The following ADH4 variants were observed in gnomAD, a reference collection of about 807,000 sequenced individuals.
ADH4 encodes the protein all-trans-retinol dehydrogenase [NAD(+)] ADH4.
Under a neutral mutation model 35.2 loss-of-function variants are expected in ADH4, and 31 were observed. The ratio of observed to expected loss-of-function variants is 0.88; its 90% CI spans 0.66 to 1.19. ADH4 has a LOEUF of 1.19. Among genes scored for constraint, ADH4 ranks in the 50% most tolerant of loss-of-function variants. ADH4 has a pLI of 0.00. For missense variants in ADH4, 476 were observed against 458.3 expected, an observed-to-expected ratio of 1.04 and a Z score of -0.35; for synonymous variants, 171 against 160.2, an observed-to-expected ratio of 1.07 and a Z score of -0.51.
chr4:99,124,795 T>C (rs1482632082), intron 8 of ADH4, among the ~76,000 whole-genome samples: 1 of 152,162 alleles, frequency 6.6e-6, no homozygotes, highest in East Asian at 1.9e-4. Context: ...TTCTCGGATC[T>C]CCTATAGCTG....
intron 4 of ADH4, among the ~76,000 whole-genome samples, 182 bp from the exon 5 acceptor site, chr4:99,136,879 A>T (rs17218288): frequency 0.21 from 31,966 of 152,144 alleles, 4,035 homozygotes; most frequent in Non-Finnish European, 0.28. Context: ...CAGCAAATTT[A>T]AAAAATAACA....
intron 5 of ADH4, among the ~76,000 whole-genome samples, chr4:99,133,078 G>A (rs1438492446): frequency 6.6e-6 from 1 of 152,156 alleles, no homozygotes; most frequent in Non-Finnish European, 1.5e-5. Flanking sequence ...GAGCCTGTGA[G>A]TCTCTTAGGA....
Position 99,142,661 on chromosome 4 carries a change from A to G in ADH4, c.120+18T>C. 2.6e-6 allele frequency: 4 copies of G among 1,516,006 alleles called. No homozygotes were observed. In the East Asian group the frequency reaches 7.1e-5, roughly 27 times the overall value. The allele number at this position is 1,516,006 out of a possible 1,614,324, so 93.9% of individuals were successfully genotyped here. A position where few individuals can be genotyped will look rare whatever the true frequency, so the allele number is the denominator to read the frequency against. On this transcript the variant is annotated intron_variant, in intron 2 of 8. Transcript: ENST00000265512. ...TTGGGGCCCTGTCTGTTCCCACCCA[A>G]GGAAAGTCTCCACTTACCTGAATGC...
In ADH4 at chr4:99,131,690, T is replaced by G. The variant is rs1729277375; in HGVS notation, c.657A>C (p.Ala219=). 2 of 1,614,198 alleles carry G rather than the reference T, an allele frequency of 1.2e-6. No individual in the cohort carries two copies. Among genetic ancestry groups the G allele is most frequent in the Non-Finnish European group, 1.7e-6 (2 of 1,180,026 alleles). The stretch of plus-strand genomic sequence containing the variant: ...TACCTATGATTCTGGAAGCTCCTGC[T>G]GCTTTACAACCCATTACAGCAGAAA... ...VGLSAVMGCK[A]AGASRIIGID... The change falls in exon 6 of 9, where the codon GCA becomes GCC. Residue 219 remains alanine, a synonymous_variant. Transcript: ENST00000265512.
At chr4:99,142,656 A>T (rs375827646) in intron 2 of ADH4, 23 bp downstream of exon 2, 29 of 1,495,888 alleles carry the variant, frequency 1.9e-5, no homozygotes, top group Non-Finnish European at 2.6e-5. Flanking sequence ...GTCTGTTCCC[A>T]CCCAAGGAAA....
chr4:99,129,303 CTT>C (rs1463246043), intron 6 of ADH4, among the ~76,000 whole-genome samples: 2 of 151,680 alleles, frequency 1.3e-5, no homozygotes, highest in Non-Finnish European at 2.9e-5. Flanking sequence ...AATAAAATGA[CTT>C]ATTATTTAAA....
chr4:99,143,138 G>T, intron 1 of ADH4: 1 of 701,574 alleles, frequency 1.4e-6, no homozygotes, highest in South Asian at 1.5e-5. Flanking sequence ...TCTATTGAGT[G>T]AACTGTTTGA....
chr4:99,134,060 C>T (rs750370492), intron 5 of ADH4, among the ~76,000 whole-genome samples: 1 of 152,058 alleles, frequency 6.6e-6, no homozygotes, highest in Non-Finnish European at 1.5e-5. Flanking sequence ...ATAAGCCAGG[C>T]ACAGAAAGAC....
chr4:99,127,284 C>T lies in ADH4; in HGVS notation c.904G>A (p.Ala302Thr). Residue 302 changes from alanine to threonine, a missense_variant, in exon 7 of 9, where the codon GCT becomes ACT. By Grantham distance (58) the Ala-to-Thr change is moderately conservative. Coordinates refer to ENST00000265512, the MANE Select transcript of ADH4 (RefSeq NM_000670.5). The part of the protein sequence containing the change: ...WGSCTFIGVA[A>T]GSKGLTIFPE... ...AAAATAGTCAATCCTTTGCTACCAG[C>T]AGCTACTCCAATGAAAGTACATGAT... 1.2e-6 allele frequency: 2 copies of T among 1,612,588 alleles called. No homozygotes were observed. The highest frequency in any genetic ancestry group is 1.1e-5 in the South Asian group (1 of 90,920).
At chr4:99,136,925 C>T (rs1984365) in intron 4 of ADH4, among the ~76,000 whole-genome samples, 148,704 of 152,186 alleles carry the variant, frequency 0.98, 72,664 homozygotes, top group Middle Eastern at 1. Flanking sequence ...GGTGTCATTT[C>T]GTCACTCAGG....
At chr4:99,124,522 A>C in intron 8 of ADH4, 56 bp from the exon 9 acceptor site, 8 of 1,159,798 alleles carry the variant, frequency 6.9e-6, no homozygotes, top group Non-Finnish European at 9.9e-6. Context: ...ATTTAACCAA[A>C]GCTCACAAAT....
Position 99,126,655 on chromosome 4 carries a change from T to C in ADH4, c.1057A>G (p.Thr353Ala). ...ATTTTGTCAAAAGGCAGGGTATGGG[T>C]CACCAGTGCATCCAGATTGAATTTC... is the stretch of plus-strand genomic sequence containing the variant. ...NKKFNLDALV[T>A]HTLPFDKISE... The change falls in exon 8 of 9, where the codon ACC becomes GCC. Residue 353 changes from threonine to alanine, a missense_variant. By Grantham distance (58) the Thr-to-Ala change is moderately conservative. Coordinates refer to ENST00000265512, the MANE Select transcript of ADH4 (RefSeq NM_000670.5). 6.2e-7 allele frequency: 1 copy of C among 1,612,400 alleles called. No individual in the cohort carries two copies. The highest frequency in any genetic ancestry group is 8.5e-7 in the Non-Finnish European group (1 of 1,178,716).
At chr4:99,141,516 AT>A in intron 3 of ADH4, 24 bp downstream of exon 3, 1 of 1,596,196 alleles carries the variant, frequency 6.3e-7, no homozygotes, top group Non-Finnish European at 8.5e-7. Flanking sequence ...TGACATTTCC[AT>A]TTTTTCTGAA....
At position 99,141,566 on chromosome 4, in the gene ADH4, C is replaced by T. The variant is rs1202402438; in HGVS notation, c.237G>A (p.Gly79=). 3 of 1,613,864 alleles carry T rather than the reference C, an allele frequency of 1.9e-6. No homozygotes were observed. Among genetic ancestry groups the T allele is most frequent in the Non-Finnish European group, 1.7e-6 (2 of 1,179,946 alleles). ...CTGGTTTGACGTTGGTCACTCCTGG[C>T]CCAATACTTTCCACAATACCTGCAG... ...HEAAGIVESI[G]PGVTNVKPGD... Residue 79 remains glycine (G), a synonymous_variant, in exon 3 of 9, where the codon GGG becomes GGA. Coordinates refer to ENST00000265512, the MANE Select transcript of ADH4 (RefSeq NM_000670.5).
chr4:99,124,652 G>C (rs1729025199), intron 8 of ADH4, among the ~76,000 whole-genome samples, 186 bp from the exon 9 acceptor site: 1 of 152,154 alleles, frequency 6.6e-6, no homozygotes, highest in Non-Finnish European at 1.5e-5. Context: ...TTTTATGCAT[G>C]TGCTAGTAAA....
At position 99,131,598 on chromosome 4, in the gene ADH4, C is replaced by T. The variant is rs1314111994; in HGVS notation, c.749G>A (p.Arg250Lys). The change falls in exon 6 of 9, where the codon AGA (arginine) becomes AAA (lysine). Residue 250 changes from arginine to lysine, a missense_variant. Physicochemically the swap from Arg to Lys is conservative, Grantham distance 26. Coordinates refer to ENST00000265512, the MANE Select transcript of ADH4 (RefSeq NM_000670.5). The stretch of plus-strand genomic sequence containing the variant: ...TTCCTGGATCGGTTTATGTAAGTCT[C>T]TAGGATTGAGGCAGTCAGTGGCTCC... Reference protein sequence around the residue: ...ALGATDCLNPRDLHKPIQEVI... With the variant: ...ALGATDCLNPKDLHKPIQEVI... The T allele has an allele frequency of 6.2e-7, 1 of 1,614,114 alleles. No individual in the cohort carries two copies. The highest frequency in any genetic ancestry group is 2.2e-5 in the East Asian group (1 of 44,884).
At position 99,126,637 on chromosome 4, in the gene ADH4, C is replaced by CA. The variant is rs771869312; in HGVS notation, c.1074dup (p.Asp359Ter). The CA allele has an allele frequency of 3.1e-6, 5 of 1,609,750 alleles. No homozygotes were observed. The highest frequency in any genetic ancestry group is 4.2e-6 in the Non-Finnish European group (5 of 1,176,930). ...AGGTCAAATGCCTCACTGATTTTGT[C>CA]AAAAGGCAGGGTATGGGTCACCAGT... On this transcript the variant is annotated frameshift_variant, in exon 8 of 9. Coordinates refer to ENST00000265512, the MANE Select transcript of ADH4 (RefSeq NM_000670.5). LOFTEE classifies it high-confidence loss of function.
intron 2 of ADH4, among the ~76,000 whole-genome samples, chr4:99,141,916 G>C (rs1255899632): frequency 6.6e-6 from 1 of 152,156 alleles, no homozygotes; most frequent in Non-Finnish European, 1.5e-5. Flanking sequence ...TCATAAAAGA[G>C]ATAGGATTGG....
In ADH4 at chr4:99,136,467, T is replaced by G. The variant is rs180913338; in HGVS notation, c.581A>C (p.Lys194Thr). The G allele has an allele frequency of 6.2e-6, 10 of 1,613,202 alleles. No individual in the cohort carries two copies. In the East Asian group the frequency reaches 1.8e-4, roughly 29 times the overall value. ...ACAAACTGGTGTTTAACCATTTACC[T>G]TGGCATTGTTGATTGCAGCCCCATA... is the stretch of plus-strand genomic sequence containing the variant. ...TGYGAAINNAKVTPGSTCAVF... is the reference protein window; with the variant it reads ...TGYGAAINNATVTPGSTCAVF... The change falls in exon 5 of 9, where the codon AAG becomes ACG. Residue 194 changes from lysine (K) to threonine (T), a missense_variant and splice_region_variant. Lys to Thr is a moderately conservative substitution (Grantham distance 78, BLOSUM62 -1). Transcript: ENST00000265512.
Sources: allele counts gnomAD v4.1 joint callset (sites outside exome capture counted in the v4.1 genomes callset), GRCh38; gene constraint gnomAD v4.1.1; transcripts MANE v1.5; gene names NCBI Gene and HGNC (gene_info 2026-07-23, HGNC 2026-07-21).